NFAT5: variants seen among roughly 807,000 people sequenced by gnomAD.
NFAT5 encodes nuclear factor of activated T cells 5.
NFAT5 carries 31 observed loss-of-function variants against 166.5 expected under a neutral mutation model. The ratio of observed to expected loss-of-function variants is 0.19; its 90% confidence interval spans 0.14 to 0.25. The LOEUF is 0.25. Ranked by LOEUF, NFAT5 falls within the 10% of genes least tolerant of loss-of-function variation. NFAT5 has a pLI of 1.00. For synonymous variants in NFAT5, 612 were observed against 639.7 expected (o/e 0.96, Z 0.65); for missense variants, 1,449 against 1,821.8 (o/e 0.80, Z 3.72).
intron 2 of NFAT5, among the ~76,000 whole-genome samples, chr16:69,619,752 T>C (rs1273270130): frequency 6.6e-6 from 1 of 152,230 alleles, no homozygotes; most frequent in African/African-American, 2.4e-5. Flanking sequence ...GAATGACCAG[T>C]AACAGTAAAG....
At chr16:69,568,334 G>GTGTA (rs1220760854) in intron 1 of NFAT5, among the ~76,000 whole-genome samples, 161 bp from the exon 2 acceptor site, 1 of 133,358 alleles carries the variant, frequency 7.5e-6, no homozygotes, top group East Asian at 2.4e-4. Flanking sequence ...ATGTATGTGT[G>GTGTA]TATATATATA....
At chr16:69,567,117 C>A (rs1015109070) in intron 1 of NFAT5, among the ~76,000 whole-genome samples, 4 of 152,180 alleles carry the variant, frequency 2.6e-5, no homozygotes, top group Admixed American at 2.6e-4. Context: ...TGGTTTTATT[C>A]CTCTCCTCTC....
chr16:69,569,593 C>G (rs974846405), intron 2 of NFAT5, among the ~76,000 whole-genome samples: 1 of 152,134 alleles, frequency 6.6e-6, no homozygotes. Flanking sequence ...TCTGTGACTT[C>G]GGGCAAGTGA....
Position 69,691,069 on chromosome 16 carries a change from G to T in NFAT5, c.1904G>T (p.Arg635Ile). ...CCAATGGAAGTAACAGCAGAAAAAA[G>T]ATCTTCCACTATTTTTAAGGTAAGC... ...VTPMEVTAEK[R>I]SSTIFKTTKS... Residue 635 changes from arginine to isoleucine, a missense_variant, in exon 12 of 15, where the codon AGA becomes ATA. Around this residue, in one of 7 missense-constraint regions of NFAT5, gnomAD observed 245 missense variants for 366.6 expected, o/e 0.67. Coordinates refer to ENST00000349945, the MANE Select transcript of NFAT5 (RefSeq NM_138713.4). 3.8e-6 allele frequency: 6 copies of T among 1,598,368 alleles called. No homozygotes were observed. The highest frequency in any genetic ancestry group is 5.1e-6 in the Non-Finnish European group (6 of 1,174,050).
At chr16:69,591,062 G>T (rs1378352659) in intron 2 of NFAT5, among the ~76,000 whole-genome samples, 1 of 152,104 alleles carries the variant, frequency 6.6e-6, no homozygotes. Flanking sequence ...CTCCCTAGTA[G>T]CTGAGATTAC....
chr16:69,643,304 C>G (rs774731083), intron 3 of NFAT5, among the ~76,000 whole-genome samples: 77 of 151,056 alleles, frequency 5.1e-4, no homozygotes, highest in Non-Finnish European at 1.0e-3. Flanking sequence ...TTTTTTGATA[C>G]TTTATTTAGT....
chr16:69,667,335 TAAAAA>T (rs56778821), intron 7 of NFAT5, among the ~76,000 whole-genome samples: 2 of 149,946 alleles, frequency 1.3e-5, no homozygotes, highest in African/African-American at 4.9e-5. Context: ...ATAATACATT[TAAAAA>T]AAAAACTTTA....
chr16:69,589,511 G>T (rs2032327105), intron 2 of NFAT5, among the ~76,000 whole-genome samples: 1 of 152,046 alleles, frequency 6.6e-6, no homozygotes, highest in South Asian at 2.1e-4. Context: ...AAACTCAAAG[G>T]ATAAAATTTG....
chr16:69,575,410 C>T (rs771462842), intron 2 of NFAT5, among the ~76,000 whole-genome samples: 19 of 151,752 alleles, frequency 1.3e-4, no homozygotes, highest in Non-Finnish European at 2.7e-4. Flanking sequence ...TCAGGTGATC[C>T]GCCCGCCTCA....
At chr16:69,599,797 T>C (rs2033026004) in intron 2 of NFAT5, among the ~76,000 whole-genome samples, 1 of 152,090 alleles carries the variant, frequency 6.6e-6, no homozygotes, top group South Asian at 2.1e-4. Flanking sequence ...GTGCTTGGCA[T>C]GTTCAAGAAG....
chr16:69,635,253 C>G (rs552238008), intron 3 of NFAT5, among the ~76,000 whole-genome samples: 1 of 151,990 alleles, frequency 6.6e-6, no homozygotes, highest in South Asian at 2.1e-4. Flanking sequence ...TCAGGTGATC[C>G]GCCCACCTCA....
chr16:69,672,607 A>G (rs1297252204), intron 9 of NFAT5, among the ~76,000 whole-genome samples: 1 of 152,182 alleles, frequency 6.6e-6, no homozygotes, highest in Non-Finnish European at 1.5e-5. Context: ...AGTTCATTTT[A>G]TTCACCTTGA....
chr16:69,667,343 A>C (rs557575184), intron 7 of NFAT5, among the ~76,000 whole-genome samples: 304 of 152,290 alleles, frequency 2.0e-3, no homozygotes, highest in South Asian at 4.6e-3. Flanking sequence ...TTTAAAAAAA[A>C]AACTTTACAA....
chr16:69,692,103 C>A lies in NFAT5; in HGVS notation c.2278C>A (p.Gln760Lys), dbSNP rs761438323. ...ACTGACTGAGGCATCACAACAACAG[C>A]AGCAGTCACCACTACAAGAACAAGC... ...SQLTEASQQQ[Q>K]QSPLQEQAQT... The change falls in exon 13 of 15, where the codon CAG becomes AAG. Residue 760 changes from glutamine to lysine, a missense_variant. Physicochemically the swap from Gln to Lys is moderately conservative, Grantham distance 53. This residue lies in a region of NFAT5 where 891 missense variants were observed against 993.0 expected (regional missense o/e 0.90). Transcript: ENST00000349945. 1 of 1,614,142 alleles carries A rather than the reference C, an allele frequency of 6.2e-7. No individual in the cohort carries two copies. The highest frequency in any genetic ancestry group is 8.5e-7 in the Non-Finnish European group (1 of 1,180,034).
intron 2 of NFAT5, among the ~76,000 whole-genome samples, chr16:69,609,858 A>G (rs537168493): frequency 8.6e-5 from 13 of 150,998 alleles, no homozygotes; most frequent in Non-Finnish European, 1.9e-4. Context: ...AGAAAATATT[A>G]GCTGGACATG....
At chr16:69,688,135 G>T (rs1035042782) in intron 11 of NFAT5, among the ~76,000 whole-genome samples, 4 of 147,774 alleles carry the variant, frequency 2.7e-5, no homozygotes, top group East Asian at 2.0e-4. Context: ...AGCGGAGCTT[G>T]CAGTGAGCCG....
intron 3 of NFAT5, among the ~76,000 whole-genome samples, chr16:69,633,345 C>A (rs1025124673): frequency 6.6e-5 from 10 of 152,102 alleles, no homozygotes; most frequent in African/African-American, 2.2e-4. Context: ...TTTATGCATT[C>A]TGTACAATTT....
At chr16:69,592,458 A>T (rs1313684122) in intron 2 of NFAT5, among the ~76,000 whole-genome samples, 1 of 152,148 alleles carries the variant, frequency 6.6e-6, no homozygotes, top group Middle Eastern at 3.2e-3. Flanking sequence ...TTATTATAGT[A>T]TCTAAAATCT....
chr16:69,634,608 A>G (rs2034874008), intron 3 of NFAT5, among the ~76,000 whole-genome samples: 1 of 152,194 alleles, frequency 6.6e-6, no homozygotes, highest in Non-Finnish European at 1.5e-5. Context: ...ATTACAGGGT[A>G]TTATCATCAA....
Sources: allele counts gnomAD v4.1 joint callset (sites outside exome capture counted in the v4.1 genomes callset), GRCh38; gene constraint gnomAD v4.1.1; regional missense constraint gnomAD v4.1.1; transcripts MANE v1.5; gene names NCBI Gene and HGNC (gene_info 2026-07-23, HGNC 2026-07-21).